The following RABGAP1L variants were observed in gnomAD, a reference collection of about 807,000 sequenced individuals.
RABGAP1L encodes the protein rab GTPase-activating protein 1-like.
A neutral mutation model predicts 137.7 loss-of-function variants in RABGAP1L; 63 were observed. That is an observed-to-expected ratio of 0.46 (90% CI 0.37 to 0.56). RABGAP1L has a LOEUF of 0.56. Among genes scored for constraint, RABGAP1L ranks in the 20% least tolerant of loss-of-function variants. The probability of loss-of-function intolerance (pLI) is 0.00; values close to 1 mark genes in which losing one functional copy is unlikely to be tolerated. For synonymous variants in RABGAP1L, 431 were observed against 433.7 expected, an observed-to-expected ratio of 0.99 and a Z score of 0.08; for missense variants, 1,095 against 1,244.0, an observed-to-expected ratio of 0.88 and a Z score of 1.80.
chr1:174,560,308 A>G (rs1322592681), intron 13 of RABGAP1L, among the ~76,000 whole-genome samples: 1 of 152,166 alleles, frequency 6.6e-6, no homozygotes, highest in Non-Finnish European at 1.5e-5. Flanking sequence ...ACCCAAGTGT[A>G]GTATTCATGG....
At chr1:174,348,110 TA>T (rs1333650135) in intron 11 of RABGAP1L, among the ~76,000 whole-genome samples, 3 of 151,950 alleles carry the variant, frequency 2.0e-5, no homozygotes, top group Non-Finnish European at 4.4e-5. Flanking sequence ...CTGTGAAGGT[TA>T]TTTTTTTTGG....
At chr1:174,780,597 C>G (rs961154324) in intron 18 of RABGAP1L, among the ~76,000 whole-genome samples, 2 of 151,848 alleles carry the variant, frequency 1.3e-5, no homozygotes, top group African/African-American at 4.8e-5. Context: ...ACTTTAAGTT[C>G]TAGGGTACAT....
intron 19 of RABGAP1L, among the ~76,000 whole-genome samples, chr1:174,840,827 T>A (rs200506440): frequency 0.04 from 4,844 of 121,820 alleles, 53 homozygotes; most frequent in African/African-American, 0.079. Flanking sequence ...AAAAAAAAAA[T>A]AAAAAAAAAA....
At chr1:174,757,798 G>A (rs115821508) in intron 18 of RABGAP1L, among the ~76,000 whole-genome samples, 1,543 of 151,882 alleles carry the variant, frequency 0.01, 28 homozygotes, top group African/African-American at 0.036. Flanking sequence ...GGGGGCCAAG[G>A]TGGGTGAATT....
At chr1:174,519,079 T>C (rs985975679) in intron 13 of RABGAP1L, among the ~76,000 whole-genome samples, 2 of 151,282 alleles carry the variant, frequency 1.3e-5, no homozygotes, top group Admixed American at 6.6e-5. Context: ...AAGACAGAAC[T>C]AATATATATA....
In RABGAP1L at chr1:174,529,904, A is replaced by G. The variant is rs370832803; in HGVS notation, c.1711-107471A>G. Among the ~76,000 whole-genome samples, 7 of 152,168 alleles carry G rather than the reference A, an allele frequency of 4.6e-5. No homozygotes were observed. In the East Asian group the frequency reaches 1.2e-3, roughly 26 times the overall value. ...TGGGAGTAGTGTTCAGATGCCAACA[A>G]TGGTGGACTGGGCTGGGTACTCCCC... On this transcript the variant is annotated intron_variant, in intron 13 of 25. Coordinates refer to ENST00000681986, the MANE Select transcript of RABGAP1L (RefSeq NM_001366446.1).
At chr1:174,898,430 A>G (rs1573728078) in intron 19 of RABGAP1L, among the ~76,000 whole-genome samples, 1 of 152,320 alleles carries the variant, frequency 6.6e-6, no homozygotes, top group East Asian at 1.9e-4. Flanking sequence ...TCTTTTGTTT[A>G]TATATCCCTT....
intron 13 of RABGAP1L, among the ~76,000 whole-genome samples, chr1:174,633,496 C>G (rs1392575271): frequency 1.3e-5 from 2 of 151,414 alleles, no homozygotes. Flanking sequence ...CCCCATCAAG[C>G]TACCAATGAC....
intron 13 of RABGAP1L, among the ~76,000 whole-genome samples, chr1:174,597,556 A>G (rs1229510464): frequency 2.0e-5 from 3 of 149,396 alleles, no homozygotes; most frequent in African/African-American, 4.9e-5. Context: ...ATCAGTTGTA[A>G]TTTTTTTTTA....
chr1:174,766,478 G>C (rs1011595956), intron 18 of RABGAP1L, among the ~76,000 whole-genome samples: 2 of 152,212 alleles, frequency 1.3e-5, no homozygotes, highest in Non-Finnish European at 2.9e-5. Flanking sequence ...CAGTACCACA[G>C]TCTTGATTAC....
chr1:174,682,030 T>G (rs764403735), intron 14 of RABGAP1L, among the ~76,000 whole-genome samples: 20 of 152,116 alleles, frequency 1.3e-4, no homozygotes, highest in Non-Finnish European at 2.6e-4. Context: ...TCTGTAATCC[T>G]AGCACTTTGG....
chr1:174,519,784 T>C (rs1663208478), intron 13 of RABGAP1L, among the ~76,000 whole-genome samples: 2 of 152,208 alleles, frequency 1.3e-5, no homozygotes, highest in Non-Finnish European at 2.9e-5. Context: ...CTTTACATTT[T>C]AATTAATTAT....
At chr1:174,512,398 C>T (rs1447423418) in intron 13 of RABGAP1L, among the ~76,000 whole-genome samples, 5 of 152,178 alleles carry the variant, frequency 3.3e-5, no homozygotes, top group African/African-American at 7.2e-5. Flanking sequence ...TTAACACTTA[C>T]ATAATGTCTG....
chr1:174,425,667 T>A (rs1197348114), intron 13 of RABGAP1L, among the ~76,000 whole-genome samples: 1 of 152,088 alleles, frequency 6.6e-6, no homozygotes, highest in African/African-American at 2.4e-5. Flanking sequence ...TCTTGTCTGT[T>A]ATATTTTATT....
intron 19 of RABGAP1L, among the ~76,000 whole-genome samples, chr1:174,866,111 GA>G (rs1227729520): frequency 0.089 from 178 of 1,992 alleles, 1 homozygote; most frequent in Middle Eastern, 0.25. Flanking sequence ...GAGGGAGGGG[GA>G]GAGAGAGAGA....
intron 17 of RABGAP1L, among the ~76,000 whole-genome samples, chr1:174,729,725 A>G (rs1034498738): frequency 3.3e-5 from 5 of 152,220 alleles, no homozygotes; most frequent in Admixed American, 2.0e-4. Context: ...AAAATGCTCC[A>G]TATCACTAAT....
chr1:174,552,914 C>G (rs759399352), intron 13 of RABGAP1L, among the ~76,000 whole-genome samples: 1 of 152,138 alleles, frequency 6.6e-6, no homozygotes, highest in South Asian at 2.1e-4. Context: ...TAATAACAGC[C>G]ATTCTGACTG....
intron 11 of RABGAP1L, among the ~76,000 whole-genome samples, chr1:174,319,650 C>T (rs1372535568): frequency 2.6e-5 from 4 of 152,142 alleles, no homozygotes; most frequent in Admixed American, 1.3e-4. Flanking sequence ...CATCTAGTTT[C>T]TTACTATTAA....
intron 13 of RABGAP1L, among the ~76,000 whole-genome samples, chr1:174,426,782 T>C (rs1479256434): frequency 6.6e-6 from 1 of 152,124 alleles, no homozygotes; most frequent in Admixed American, 6.5e-5. Context: ...GCCAAAGTCA[T>C]ATTTTTCTCT....
Sources: allele counts gnomAD v4.1 joint callset (sites outside exome capture counted in the v4.1 genomes callset), GRCh38; gene constraint gnomAD v4.1.1; transcripts MANE v1.5; gene names NCBI Gene and HGNC (gene_info 2026-07-23, HGNC 2026-07-21).